The following SPSB4 variants were observed in gnomAD, a reference collection of about 807,000 sequenced individuals.
SPSB4 encodes splA/ryanodine receptor domain and SOCS box containing 4, also known as SPRY domain-containing SOCS box protein 4.
Under a neutral mutation model 20.9 loss-of-function variants are expected in SPSB4, and 21 were observed. The observed-to-expected ratio is 1.01, with a 90% confidence interval of 0.71 to 1.45. The LOEUF (loss-of-function observed/expected upper bound fraction) is 1.45. SPSB4 is among the 40% of genes most tolerant of loss of function. The pLI is 0.00. For missense variants in SPSB4, 399 were observed against 399.2 expected, an observed-to-expected ratio of 1.00 and a Z score of 0.00; for synonymous variants, 207 against 183.8, an observed-to-expected ratio of 1.13 and a Z score of -1.02.
chr3:141,135,251 T>G (rs998307333), intron 2 of SPSB4, among the ~76,000 whole-genome samples: 12 of 151,986 alleles, frequency 7.9e-5, no homozygotes, highest in Non-Finnish European at 1.3e-4. Context: ...TAGAAGTTTT[T>G]GTTTTGTGTG....
intron 2 of SPSB4, among the ~76,000 whole-genome samples, chr3:141,110,049 C>A (rs1441734997): frequency 2.0e-5 from 3 of 152,134 alleles, no homozygotes; most frequent in Non-Finnish European, 4.4e-5. Flanking sequence ...GCTGTCAGGC[C>A]ACTTGACCCT....
intron 2 of SPSB4, among the ~76,000 whole-genome samples, chr3:141,083,276 G>C (rs765039446): frequency 6.6e-6 from 1 of 152,136 alleles, no homozygotes; most frequent in Non-Finnish European, 1.5e-5. Context: ...TGGCTTCCCC[G>C]GCTGGTTTGG....
chr3:141,081,647 C>T (rs1342157615), intron 2 of SPSB4, among the ~76,000 whole-genome samples: 3 of 145,964 alleles, frequency 2.1e-5, no homozygotes, highest in African/African-American at 5.1e-5. Context: ...AGGAGCTCTG[C>T]GGGGGGAGGG....
At chr3:141,125,817 G>A (rs971685237) in intron 2 of SPSB4, among the ~76,000 whole-genome samples, 1 of 152,330 alleles carries the variant, frequency 6.6e-6, no homozygotes, top group East Asian at 1.9e-4. Flanking sequence ...AGTTGACTTT[G>A]TGACTTGGTT....
In SPSB4 at chr3:141,051,715, T is replaced by G. The variant is rs944796389; in HGVS notation, c.-431T>G. 6.6e-5 allele frequency: 10 copies of G among 152,062 alleles called. No homozygotes were observed. Among genetic ancestry groups the G allele is most frequent in the African/African-American group, 2.4e-4 (10 of 41,412 alleles). The allele number at this position is 152,062 out of a possible 1,614,324, so 9.4% of individuals were successfully genotyped here. On this transcript the variant is annotated 5_prime_UTR_variant, in exon 1 of 3. Transcript: ENST00000310546. ...TGGAGCGCCCCCAGGATCGCTTCAG[T>G]AAGGCGCTTCCCCACTCCAGGCCCG...
At chr3:141,098,308 G>T (rs1163597351) in intron 2 of SPSB4, among the ~76,000 whole-genome samples, 1 of 152,000 alleles carries the variant, frequency 6.6e-6, no homozygotes, top group African/African-American at 2.4e-5. Context: ...TTTTAGTATG[G>T]TCCCCACAAA....
chr3:141,129,711 C>T (rs1038674718), intron 2 of SPSB4, among the ~76,000 whole-genome samples: 4 of 152,230 alleles, frequency 2.6e-5, no homozygotes, highest in Admixed American at 1.3e-4. Context: ...CAGCCCCACA[C>T]GGTTCAGCTG....
Position 141,086,131 on chromosome 3 carries a change from T to G in SPSB4, c.694+19333T>G, listed in dbSNP as rs534262482. On this transcript the variant is annotated intron_variant, in intron 2 of 2. Transcript: ENST00000310546. ...TAATACAGAAAGAATTTAAGGGAAGTTCTGAGCCATTTTATTTTCACACCT... is the reference window on the plus strand; with the variant it reads ...TAATACAGAAAGAATTTAAGGGAAGGTCTGAGCCATTTTATTTTCACACCT... 2.6e-5 allele frequency among the ~76,000 whole-genome samples: 4 copies of G among 152,314 alleles called. No individual in the cohort carries two copies. In the South Asian group the frequency reaches 8.3e-4, roughly 32 times the overall value.
chr3:141,078,607 T>A (rs1006213091), intron 2 of SPSB4, among the ~76,000 whole-genome samples: 4 of 152,222 alleles, frequency 2.6e-5, no homozygotes, highest in African/African-American at 7.2e-5. Flanking sequence ...TTCAGGGGCT[T>A]TCCTCTCCAA....
intron 2 of SPSB4, among the ~76,000 whole-genome samples, chr3:141,088,173 C>A (rs1186267781): frequency 6.6e-6 from 1 of 152,148 alleles, no homozygotes; most frequent in Non-Finnish European, 1.5e-5. Flanking sequence ...CCCACACCTT[C>A]CCCTGGACTG....
At chr3:141,086,972 C>A (rs1312443591) in intron 2 of SPSB4, among the ~76,000 whole-genome samples, 2 of 152,182 alleles carry the variant, frequency 1.3e-5, no homozygotes, top group Admixed American at 6.5e-5. Flanking sequence ...TGCTTGGGAA[C>A]ACTGATTCTG....
At chr3:141,067,776 C>G (rs1937919268) in intron 2 of SPSB4, among the ~76,000 whole-genome samples, 1 of 152,194 alleles carries the variant, frequency 6.6e-6, no homozygotes, top group Admixed American at 6.5e-5. Flanking sequence ...TGCACACTCC[C>G]CAACATCAGC....
chr3:141,129,050 C>T (rs1416500995), intron 2 of SPSB4, among the ~76,000 whole-genome samples: 1 of 152,208 alleles, frequency 6.6e-6, no homozygotes, highest in Non-Finnish European at 1.5e-5. Context: ...AACAGTGTAG[C>T]TCCCTTTAGC....
chr3:141,147,450 C>G lies in SPSB4; in HGVS notation c.*181C>G. The G allele has an allele frequency of 9.8e-7, 1 of 1,016,794 alleles. No homozygotes were observed. The highest frequency in any genetic ancestry group is 1.4e-6 in the Non-Finnish European group (1 of 713,726). 63.0% of individuals were successfully genotyped at this position (1,016,794 alleles called of 1,614,324 possible). A position where few individuals can be genotyped will look rare whatever the true frequency, so the allele number is the denominator to read the frequency against. ...TTGGAAACGAAAGGTCTCTTGCCAA[C>G]AGTATCTACTGCCCTCGAGGCAGCC... On this transcript the variant is annotated 3_prime_UTR_variant, in exon 3 of 3. Transcript: ENST00000310546.
At chr3:141,121,861 G>A (rs377280206) in intron 2 of SPSB4, among the ~76,000 whole-genome samples, 2 of 152,126 alleles carry the variant, frequency 1.3e-5, no homozygotes, top group African/African-American at 2.4e-5. Flanking sequence ...GTTAGAACAC[G>A]CTCCTTTAGC....
chr3:141,097,236 C>T (rs548572706), intron 2 of SPSB4, among the ~76,000 whole-genome samples: 24 of 152,274 alleles, frequency 1.6e-4, no homozygotes, highest in Non-Finnish European at 2.9e-4. Flanking sequence ...CCCTTGGACC[C>T]GCCATGTTGA....
At chr3:141,093,515 A>G (rs1297207390) in intron 2 of SPSB4, among the ~76,000 whole-genome samples, 1 of 152,006 alleles carries the variant, frequency 6.6e-6, no homozygotes, top group Non-Finnish European at 1.5e-5. Flanking sequence ...AATGCATCAC[A>G]GTGTTTGAGC....
chr3:141,088,093 G>C (rs1342644988), intron 2 of SPSB4, among the ~76,000 whole-genome samples: 1 of 152,096 alleles, frequency 6.6e-6, no homozygotes, highest in African/African-American at 2.4e-5. Flanking sequence ...GGGTCTCTCT[G>C]CTCTCTGAGT....
intron 1 of SPSB4, among the ~76,000 whole-genome samples, chr3:141,054,746 G>A (rs972690114): frequency 3.9e-5 from 6 of 152,164 alleles, no homozygotes; most frequent in Admixed American, 1.3e-4. Context: ...CGGGGGGATC[G>A]CAAGGTCAGG....
Sources: allele counts gnomAD v4.1 joint callset (sites outside exome capture counted in the v4.1 genomes callset), GRCh38; gene constraint gnomAD v4.1.1; transcripts MANE v1.5; gene names NCBI Gene and HGNC (gene_info 2026-07-23, HGNC 2026-07-21).